The following MAST4 variants were observed in gnomAD, a reference collection of about 807,000 sequenced individuals.
MAST4 encodes microtubule associated serine/threonine kinase family member 4.
MAST4 carries 89 observed loss-of-function variants against 162.7 expected under a neutral mutation model. The observed-to-expected ratio is 0.55, with a 90% CI of 0.46 to 0.65. MAST4 has a LOEUF of 0.65. Ranked by LOEUF, MAST4 falls within the 30% of genes least tolerant of loss-of-function variation. The pLI is 0.00. For synonymous variants in MAST4, 1,479 were observed against 1,361.1 expected, an observed-to-expected ratio of 1.09 and a Z score of -1.91; for missense variants, 3,153 against 3,374.0, an observed-to-expected ratio of 0.93 and a Z score of 1.62.
intron 1 of MAST4, among the ~76,000 whole-genome samples, chr5:66,759,399 A>AT (rs1379670028): frequency 6.6e-6 from 1 of 152,120 alleles, no homozygotes; most frequent in Non-Finnish European, 1.5e-5. Flanking sequence ...GACTGTGATA[A>AT]TTTCTGTTCT....
At chr5:66,901,413 T>G (rs1247921026) in intron 4 of MAST4, among the ~76,000 whole-genome samples, 1 of 109,726 alleles carries the variant, frequency 9.1e-6, no homozygotes, top group African/African-American at 3.8e-5. Flanking sequence ...TTTCCTCTTT[T>G]GCACTTGAGT....
intron 1 of MAST4, among the ~76,000 whole-genome samples, chr5:66,693,774 G>A (rs1386558787): frequency 9.8e-6 from 1 of 102,182 alleles, no homozygotes; most frequent in Non-Finnish European, 1.8e-5. Flanking sequence ...AGCTAGATGG[G>A]GGTGCCTTTA....
intron 4 of MAST4, among the ~76,000 whole-genome samples, chr5:66,994,069 C>G (rs750771563): frequency 6.6e-6 from 1 of 151,934 alleles, no homozygotes; most frequent in Non-Finnish European, 1.5e-5. Flanking sequence ...GATATGACTG[C>G]GTGCACCTGT....
At chr5:66,608,261 G>A (rs1334673630) in intron 1 of MAST4, among the ~76,000 whole-genome samples, 2 of 149,624 alleles carry the variant, frequency 1.3e-5, no homozygotes, top group Non-Finnish European at 3.0e-5. Flanking sequence ...TCACCATGTT[G>A]GCCAGGCTGG....
At position 67,145,211 on chromosome 5, in the gene MAST4, C is replaced by T. The variant is rs1416209475; in HGVS notation, c.2926C>T (p.Leu976Phe). ...CAGACATAAACTCAGTTCTGGCCTA[C>T]TTCCCAAACTGGCTATTTCAACAGA... ...SNRHKLSSGL[L>F]PKLAISTEGE... The change falls in exon 23 of 29, where the codon CTT becomes TTT. Residue 976 changes from leucine (L) to phenylalanine (F), a missense_variant. Coordinates refer to ENST00000403625, the MANE Select transcript of MAST4 (RefSeq NM_001164664.2). 5.6e-6 allele frequency: 9 copies of T among 1,613,496 alleles called. No individual in the cohort carries two copies. Among genetic ancestry groups the T allele is most frequent in the Non-Finnish European group, 7.6e-6 (9 of 1,179,754 alleles).
rs1379086958 is a variant in MAST4, at chr5:67,130,243, G to A, written c.1779G>A (p.Arg593=). The A allele has an allele frequency of 6.2e-7, 1 of 1,613,414 alleles. No individual in the cohort carries two copies. Among genetic ancestry groups the A allele is most frequent in the Non-Finnish European group, 8.5e-7 (1 of 1,179,618 alleles). Residue 593 remains arginine, a synonymous_variant, in exon 15 of 29, where the codon CGG becomes CGA. Transcript: ENST00000403625. The stretch of plus-strand genomic sequence containing the variant: ...ACTTTGTTCGGCATAAAGAATCCCG[G>A]CAGAGGTTTGCCATGAAGAAGATTA... ...AVYFVRHKES[R]QRFAMKKINK... is the part of the protein sequence containing the mutation.
chr5:67,050,198 C>T (rs1757999425), intron 4 of MAST4, among the ~76,000 whole-genome samples: 1 of 152,158 alleles, frequency 6.6e-6, no homozygotes, highest in Non-Finnish European at 1.5e-5. Context: ...GTGCTGTTGG[C>T]AGTAATTAAG....
intron 5 of MAST4, among the ~76,000 whole-genome samples, chr5:67,079,178 TATTC>T (rs1292385375): frequency 1.3e-5 from 2 of 151,268 alleles, no homozygotes; most frequent in Non-Finnish European, 2.9e-5. Context: ...ATTTAGAAGA[TATTC>T]ATTGAATCTT....
intron 18 of MAST4, among the ~76,000 whole-genome samples, chr5:67,135,227 T>C (rs1434284520): frequency 6.6e-6 from 1 of 152,248 alleles, no homozygotes; most frequent in Non-Finnish European, 1.5e-5. Flanking sequence ...TATGGCGTAA[T>C]GTTATTTCTG....
At chr5:66,815,701 G>A (rs569897936) in intron 3 of MAST4, among the ~76,000 whole-genome samples, 2 of 152,106 alleles carry the variant, frequency 1.3e-5, no homozygotes, top group Non-Finnish European at 2.9e-5. Context: ...ATGGCTTAGG[G>A]TATTGCTTTA....
chr5:66,654,150 A>G (rs1413828563), intron 1 of MAST4, among the ~76,000 whole-genome samples: 1 of 152,212 alleles, frequency 6.6e-6, no homozygotes, highest in Non-Finnish European at 1.5e-5. Context: ...GTGCTGCGAT[A>G]AAGAATAGGG....
chr5:67,048,906 C>G (rs1357105617), intron 4 of MAST4, among the ~76,000 whole-genome samples: 1 of 148,762 alleles, frequency 6.7e-6, no homozygotes, highest in Admixed American at 6.7e-5. Context: ...CTCTGTTTTT[C>G]CTGTTATGTG....
At chr5:66,907,237 T>C (rs1763431253) in intron 4 of MAST4, among the ~76,000 whole-genome samples, 3 of 135,330 alleles carry the variant, frequency 2.2e-5, no homozygotes, top group South Asian at 4.8e-4. Context: ...ACTTCACAGA[T>C]AGAATCCCAG....
chr5:66,983,612 A>G (rs1042165434), intron 4 of MAST4, among the ~76,000 whole-genome samples: 2 of 152,116 alleles, frequency 1.3e-5, no homozygotes, highest in Non-Finnish European at 2.9e-5. Flanking sequence ...ATTAAGTACC[A>G]GGCACAGGGG....
intron 4 of MAST4, among the ~76,000 whole-genome samples, chr5:67,017,196 T>G (rs1753406070): frequency 6.6e-6 from 1 of 152,230 alleles, no homozygotes; most frequent in Admixed American, 6.5e-5. Flanking sequence ...ACACAAATAT[T>G]GTGTCCAGAA....
At chr5:66,758,332 C>G (rs183608915) in intron 1 of MAST4, among the ~76,000 whole-genome samples, 17 of 151,876 alleles carry the variant, frequency 1.1e-4, no homozygotes, top group Middle Eastern at 3.4e-3. Context: ...TGCTCATAAA[C>G]AGGATCAAAT....
chr5:66,985,302 G>A (rs1749355274), intron 4 of MAST4, among the ~76,000 whole-genome samples: 1 of 152,142 alleles, frequency 6.6e-6, no homozygotes, highest in Non-Finnish European at 1.5e-5. Context: ...ACAGACCATG[G>A]AATTAAAGGA....
chr5:67,035,662 G>A (rs886632020), intron 4 of MAST4, among the ~76,000 whole-genome samples: 84 of 152,198 alleles, frequency 5.5e-4, no homozygotes, highest in African/African-American at 1.8e-3. Flanking sequence ...AGGAACATCC[G>A]TAACTGGCAC....
chr5:66,927,466 T>G (rs1432714810), intron 4 of MAST4, among the ~76,000 whole-genome samples: 1 of 152,200 alleles, frequency 6.6e-6, no homozygotes, highest in Non-Finnish European at 1.5e-5. Flanking sequence ...TTGCTCATAG[T>G]AGTATATGAT....
Sources: gnomAD v4.1 joint callset for allele counts (sites outside exome capture counted in the v4.1 genomes callset) on GRCh38, gnomAD v4.1.1 for gene constraint, MANE v1.5 for transcripts, NCBI Gene and HGNC (gene_info 2026-07-23, HGNC 2026-07-21) for gene names.